Variants in EGF observed in about 807,000 individuals in gnomAD.
EGF encodes pro-epidermal growth factor.
Under a neutral mutation model 143.8 loss-of-function variants are expected in EGF, and 95 were observed. That is an observed-to-expected ratio of 0.66 (90% CI 0.56 to 0.78). EGF has a LOEUF of 0.78. Among genes scored for constraint, EGF ranks in the 30% least tolerant of loss-of-function variants. The pLI is 0.00. For missense variants in EGF, 1,320 were observed against 1,470.9 expected, an observed-to-expected ratio of 0.90 and a Z score of 1.68; for synonymous variants, 510 against 510.5, an observed-to-expected ratio of 1.00 and a Z score of 0.01.
In EGF at chr4:109,926,835, A is replaced by G. The variant is rs72676944; in HGVS notation, c.127+13373A>G. On this transcript the variant is annotated intron_variant, in intron 1 of 23. Coordinates refer to ENST00000265171, the MANE Select transcript of EGF (RefSeq NM_001963.6). Reference sequence around the variant, plus strand: ...TTTAACAAGTGAGAAAGTGACCACTAATTATAAGAAATTTGTGTAGGAAGA... The same window carrying G: ...TTTAACAAGTGAGAAAGTGACCACTGATTATAAGAAATTTGTGTAGGAAGA... Among the ~76,000 whole-genome samples the G allele has an allele frequency of 4.9e-3, 745 of 152,348 alleles. 3 individuals are homozygous for G. Among genetic ancestry groups the G allele is most frequent in the Non-Finnish European group, 8.3e-3 (563 of 68,022 alleles).
At chr4:110,009,398 T>C (rs1461346853) in intron 23 of EGF, among the ~76,000 whole-genome samples, 1 of 152,136 alleles carries the variant, frequency 6.6e-6, no homozygotes, top group Admixed American at 6.6e-5. Context: ...CTTGAGCAGC[T>C]AAAAGTGCAT....
rs928693985 is a variant in EGF, at chr4:109,998,799, G to A, written c.3006-880G>A. On this transcript the variant is annotated intron_variant, in intron 20 of 23. Coordinates refer to ENST00000265171, the MANE Select transcript of EGF (RefSeq NM_001963.6). ...TTTGGAATAAAGTGGGGACATGGAT[G>A]AATAAATAGTTGATCCAGGGACCAA... 2.6e-5 allele frequency among the ~76,000 whole-genome samples: 4 copies of A among 152,214 alleles called. 1 individual carries two copies. The highest frequency in any genetic ancestry group is 5.9e-5 in the Non-Finnish European group (4 of 68,038).
chr4:109,914,694 T>C (rs1185898201), intron 1 of EGF, among the ~76,000 whole-genome samples: 1 of 152,166 alleles, frequency 6.6e-6, no homozygotes, highest in African/African-American at 2.4e-5. Context: ...GAATGAGGCG[T>C]CTTTCTCTGA....
At chr4:110,011,134 T>G (rs1753943544) in intron 23 of EGF, 68 bp from the exon 24 acceptor site, 1 of 1,580,334 alleles carries the variant, frequency 6.3e-7, no homozygotes, top group African/African-American at 1.3e-5. Flanking sequence ...CCACTACCGT[T>G]TAGGGTCTGT....
chr4:110,004,298 ACAC>A (rs1447223011), intron 21 of EGF: 10 of 642,694 alleles, frequency 1.6e-5, no homozygotes, highest in Non-Finnish European at 2.8e-5. Flanking sequence ...AAAGAGTGAA[ACAC>A]TGTCTGGAAA....
At chr4:109,963,329 C>G in intron 9 of EGF, 31 bp downstream of exon 9, 1 of 1,612,966 alleles carries the variant, frequency 6.2e-7, no homozygotes, top group South Asian at 1.1e-5. Flanking sequence ...GAACTGTGTC[C>G]CTGAAAAAAA....
chr4:109,963,830 A>T (rs11568959), intron 9 of EGF, among the ~76,000 whole-genome samples: 5,282 of 152,288 alleles, frequency 0.035, 288 homozygotes, highest in African/African-American at 0.11. Context: ...TGTTTTAAAC[A>T]TATAATGCTC....
chr4:110,000,066 A>T (rs897453749), intron 21 of EGF, among the ~76,000 whole-genome samples: 2 of 152,118 alleles, frequency 1.3e-5, no homozygotes, highest in African/African-American at 4.8e-5. Context: ...AGCCTGGCCA[A>T]CATGGTGAAA....
At chr4:109,949,092 A>C (rs189019138) in intron 5 of EGF, among the ~76,000 whole-genome samples, 1 of 151,896 alleles carries the variant, frequency 6.6e-6, no homozygotes. Context: ...TTTGAGATGG[A>C]GTCTCGCTCT....
intron 9 of EGF, 38 bp from the exon 10 acceptor site, chr4:109,964,363 C>G: frequency 1.2e-6 from 2 of 1,613,276 alleles, no homozygotes; most frequent in Non-Finnish European, 1.7e-6. Flanking sequence ...TTCTAAGGCA[C>G]GTTTTAAATT....
chr4:109,940,260 A>C (rs2125999458), intron 1 of EGF, among the ~76,000 whole-genome samples: 1 of 152,324 alleles, frequency 6.6e-6, no homozygotes, highest in African/African-American at 2.4e-5. Flanking sequence ...TTTAGCAAAT[A>C]AAAATGCAAA....
chr4:109,944,215 G>A (rs536675585), intron 4 of EGF, 146 bp downstream of exon 4: 194 of 835,414 alleles, frequency 2.3e-4, no homozygotes, highest in African/African-American at 1.6e-3. Flanking sequence ...CGGGCGCGGC[G>A]GATCACGAGG....
In EGF at chr4:109,970,155, G is replaced by T. The variant is rs138715749; in HGVS notation, c.1724+1036G>T. On this transcript the variant is annotated intron_variant, in intron 11 of 23. Transcript: ENST00000265171. ...CAGGAAGGGCTACTGTACTTGGTGT[G>T]TATGCAGCCTGCGTGAACCTCAGAA... Among the ~76,000 whole-genome samples, 89 of 152,272 alleles carry T rather than the reference G, an allele frequency of 5.8e-4. 1 individual carries two copies. Among genetic ancestry groups the T allele is most frequent in the African/African-American group, 2.1e-3 (86 of 41,546 alleles).
At chr4:109,978,687 C>G (rs556986963) in intron 13 of EGF, among the ~76,000 whole-genome samples, 1 of 152,294 alleles carries the variant, frequency 6.6e-6, no homozygotes, top group African/African-American at 2.4e-5. Context: ...GTACTTAACA[C>G]TACTGAACTT....
At chr4:109,947,585 G>T (rs1743071294) in intron 5 of EGF, among the ~76,000 whole-genome samples, 2 of 151,844 alleles carry the variant, frequency 1.3e-5, no homozygotes, top group South Asian at 4.2e-4. Context: ...TACATATAAA[G>T]GTAGTGAATC....
In EGF at chr4:110,011,270, T is replaced by G. The variant is rs1161417652; in HGVS notation, c.3439T>G (p.Trp1147Gly). ...LCGMGTEQGC[W>G]IPVSSDKGSC... is the part of the protein sequence containing the mutation. Reference sequence around the variant, plus strand: ...TGGAATGGGCACAGAGCAAGGCTGCTGGATTCCAGTATCCAGTGATAAGGG... The same window carrying G: ...TGGAATGGGCACAGAGCAAGGCTGCGGGATTCCAGTATCCAGTGATAAGGG... Residue 1147 changes from tryptophan to glycine, a missense_variant, in exon 24 of 24, where the codon TGG (tryptophan) becomes GGG (glycine). Physicochemically the swap from Trp to Gly is radical, Grantham distance 184. Transcript: ENST00000265171. 6.2e-7 allele frequency: 1 copy of G among 1,614,186 alleles called. No homozygotes were observed. The highest frequency in any genetic ancestry group is 8.5e-7 in the Non-Finnish European group (1 of 1,180,028).
chr4:109,931,329 C>A (rs1305522221), intron 1 of EGF, among the ~76,000 whole-genome samples: 1 of 152,084 alleles, frequency 6.6e-6, no homozygotes, highest in East Asian at 1.9e-4. Flanking sequence ...ACAAATATAG[C>A]CTGGGCTCTG....
chr4:109,964,571 G>A, intron 10 of EGF, 34 bp downstream of exon 10: 1 of 1,613,420 alleles, frequency 6.2e-7, no homozygotes, highest in Non-Finnish European at 8.5e-7. Context: ...ATGTGGACAT[G>A]CTTTAAGGAC....
At chr4:109,928,667 G>A (rs1198460568) in intron 1 of EGF, among the ~76,000 whole-genome samples, 1 of 152,080 alleles carries the variant, frequency 6.6e-6, no homozygotes, top group Non-Finnish European at 1.5e-5. Flanking sequence ...TATATTTTGG[G>A]ATAAAATATT....
Sources: gnomAD v4.1 joint callset for allele counts (sites outside exome capture counted in the v4.1 genomes callset) on GRCh38, gnomAD v4.1.1 for gene constraint, MANE v1.5 for transcripts, NCBI Gene and HGNC (gene_info 2026-07-23, HGNC 2026-07-21) for gene names.